Variants in SUGCT observed in about 807,000 individuals in gnomAD.
SUGCT encodes succinyl-CoA:glutarate-CoA transferase.
Under a neutral mutation model 55.0 loss-of-function variants are expected in SUGCT, and 41 were observed. The ratio of observed to expected loss-of-function variants is 0.74; its 90% CI spans 0.58 to 0.97. SUGCT has a LOEUF of 0.97. SUGCT is among the 50% of genes least tolerant of loss of function. The pLI, the probability that SUGCT is intolerant of heterozygous loss-of-function variation, is 0.00. For synonymous variants in SUGCT, 187 were observed against 200.4 expected (o/e 0.93, Z 0.56); for missense variants, 568 against 547.8 (o/e 1.04, Z -0.37).
At position 40,425,608 on chromosome 7, in the gene SUGCT, C is replaced by T. The variant is rs182135387; in HGVS notation, c.817-23679C>T. ...TTATGAGAGGCGGTGCTGGGGTCTA[C>T]AAAGTGACTCTCAGCTTTCTGCTGA... On this transcript the variant is annotated intron_variant, in intron 9 of 13. Coordinates refer to ENST00000335693, the MANE Select transcript of SUGCT (RefSeq NM_001193313.2). Among the ~76,000 whole-genome samples, 6 of 152,100 alleles carry T rather than the reference C, an allele frequency of 3.9e-5. No individual in the cohort carries two copies. In the East Asian group the frequency reaches 1.2e-3, roughly 29 times the overall value.
chr7:40,449,749 C>T lies in SUGCT; in HGVS notation c.888+391C>T, dbSNP rs561130982. Among the ~76,000 whole-genome samples, 13 of 151,994 alleles carry T rather than the reference C, an allele frequency of 8.6e-5. No homozygotes were observed. The South Asian group carries it at 2.1e-3, about 24-fold the overall frequency. On this transcript the variant is annotated intron_variant, in intron 10 of 13. Transcript: ENST00000335693. ...TTTTACTATATCAGGTTAATTGGAA[C>T]CATATATAGTTAAGCTACTCCCATA...
At chr7:41,014,441 C>G in the SUGCT span, among the ~76,000 whole-genome samples, 1 of 152,172 alleles carries the variant, frequency 6.6e-6, no homozygotes, top group Non-Finnish European at 1.5e-5. Context: ...CAATTTCACA[C>G]TGGATTTAAA....
At chr7:40,328,730 TATGTGTGTGTATGTGTGTGC>T (rs1391642613) in intron 9 of SUGCT, among the ~76,000 whole-genome samples, 66 of 152,082 alleles carry the variant, frequency 4.3e-4, no homozygotes, top group African/African-American at 1.5e-3. Flanking sequence ...TGTGTGTGTG[TATGTGTGTGTATGTGTGTGC>T]ATGTGTGTGT....
chr7:40,981,841 GT>G, the SUGCT span, among the ~76,000 whole-genome samples: 1 of 152,170 alleles, frequency 6.6e-6, no homozygotes, highest in Non-Finnish European at 1.5e-5. Flanking sequence ...ACCAGAATCT[GT>G]GTTAATGTCC....
intron 12 of SUGCT, among the ~76,000 whole-genome samples, chr7:40,692,196 A>G (rs1287549819): frequency 6.6e-6 from 1 of 152,216 alleles, no homozygotes; most frequent in East Asian, 1.9e-4. Flanking sequence ...CATAAGTGGT[A>G]TAGTAGTGGT....
chr7:40,586,340 T>C (rs1371406794), intron 12 of SUGCT, among the ~76,000 whole-genome samples: 2 of 152,196 alleles, frequency 1.3e-5, no homozygotes, highest in African/African-American at 4.8e-5. Flanking sequence ...CTTCTGTGAC[T>C]GAGGAACTGG....
At chr7:40,250,847 T>C (rs2150931180) in intron 7 of SUGCT, among the ~76,000 whole-genome samples, 1 of 142,384 alleles carries the variant, frequency 7.0e-6, no homozygotes, top group African/African-American at 2.5e-5. Context: ...TTTTTTTTTT[T>C]TTTTTTTAAG....
intron 1 of SUGCT, among the ~76,000 whole-genome samples, chr7:40,147,372 TGGG>T (rs1203868413): frequency 6.6e-6 from 1 of 152,288 alleles, no homozygotes; most frequent in Non-Finnish European, 1.5e-5. Context: ...CCGCCTTCAA[TGGG>T]GATTTCTCAC....
the SUGCT span, among the ~76,000 whole-genome samples, chr7:40,924,899 A>G: frequency 3.9e-5 from 6 of 152,228 alleles, no homozygotes; most frequent in Non-Finnish European, 7.3e-5. Flanking sequence ...ATGTGTAACT[A>G]TAGCACATTT....
chr7:40,230,096 A>C (rs559155810), intron 6 of SUGCT, among the ~76,000 whole-genome samples: 1 of 152,172 alleles, frequency 6.6e-6, no homozygotes, highest in Non-Finnish European at 1.5e-5. Context: ...TGAACTCATT[A>C]CCAGGATAGG....
chr7:40,288,392 ATGAGGC>A (rs973952992), intron 8 of SUGCT, among the ~76,000 whole-genome samples: 1 of 152,188 alleles, frequency 6.6e-6, no homozygotes, highest in Non-Finnish European at 1.5e-5. Context: ...TTAGTTACTA[ATGAGGC>A]TGTTGGTTCT....
chr7:40,428,142 T>C (rs1787692047), intron 9 of SUGCT, among the ~76,000 whole-genome samples: 1 of 152,238 alleles, frequency 6.6e-6, no homozygotes, highest in African/African-American at 2.4e-5. Context: ...CTGTCTCTTG[T>C]GACAGTTTCT....
chr7:40,553,131 C>G (rs1167201642), intron 12 of SUGCT, among the ~76,000 whole-genome samples: 1 of 152,128 alleles, frequency 6.6e-6, no homozygotes, highest in Non-Finnish European at 1.5e-5. Flanking sequence ...GACTTGTGTT[C>G]CCCATTCAAA....
At chr7:40,881,174 C>G in the SUGCT span, among the ~76,000 whole-genome samples, 1 of 152,216 alleles carries the variant, frequency 6.6e-6, no homozygotes, top group South Asian at 2.1e-4. Context: ...TCTCAGAAAC[C>G]TAGAGGCACC....
At chr7:40,413,937 C>T (rs942987203) in intron 9 of SUGCT, among the ~76,000 whole-genome samples, 1 of 152,112 alleles carries the variant, frequency 6.6e-6, no homozygotes, top group African/African-American at 2.4e-5. Context: ...AGTGTCTTTC[C>T]ATGACTGCAT....
At chr7:40,977,647 C>G in the SUGCT span, among the ~76,000 whole-genome samples, 2 of 152,184 alleles carry the variant, frequency 1.3e-5, no homozygotes, top group African/African-American at 4.8e-5. Flanking sequence ...ACCACTCCCT[C>G]TCACAAGGAA....
intron 1 of SUGCT, among the ~76,000 whole-genome samples, chr7:40,159,974 G>C (rs1181705799): frequency 6.6e-6 from 1 of 152,178 alleles, no homozygotes; most frequent in Admixed American, 6.5e-5. Flanking sequence ...TGTTGCTGGA[G>C]AAAGAAGCAT....
At chr7:40,699,033 G>C (rs911711736) in intron 12 of SUGCT, among the ~76,000 whole-genome samples, 1 of 152,188 alleles carries the variant, frequency 6.6e-6, no homozygotes, top group African/African-American at 2.4e-5. Context: ...CTGGGAGTAG[G>C]TTTTGATAGG....
At chr7:40,249,431 A>G (rs985395061) in intron 7 of SUGCT, among the ~76,000 whole-genome samples, 2 of 145,026 alleles carry the variant, frequency 1.4e-5, no homozygotes, top group African/African-American at 5.1e-5. Context: ...AGACTATATA[A>G]TGTATTCCAC....
Sources: gnomAD v4.1 joint callset for allele counts (sites outside exome capture counted in the v4.1 genomes callset) on GRCh38, gnomAD v4.1.1 for gene constraint, MANE v1.5 for transcripts, NCBI Gene and HGNC (gene_info 2026-07-23, HGNC 2026-07-21) for gene names.